The following PRRX1 variants were observed in gnomAD, a reference collection of about 807,000 sequenced individuals.
PRRX1 encodes paired related homeobox 1, also known as paired mesoderm homeobox protein 1.
In PRRX1, 8 loss-of-function variants were observed where a neutral mutation model predicts 24.0. The ratio of observed to expected loss-of-function variants is 0.33; its 90% CI spans 0.20 to 0.60. The LOEUF is 0.60. PRRX1 is among the 20% of genes least tolerant of loss of function. The pLI, the probability that PRRX1 is intolerant of heterozygous loss-of-function variation, is 0.82. For synonymous variants in PRRX1, 160 were observed against 131.7 expected (o/e 1.22, Z -1.47); for missense variants, 281 against 322.4 (o/e 0.87, Z 0.98).
At chr1:170,705,941 C>CACACACAT (rs1654548934) in intron 1 of PRRX1, among the ~76,000 whole-genome samples, 1 of 137,970 alleles carries the variant, frequency 7.2e-6, no homozygotes, top group South Asian at 2.1e-4. Context: ...CACATACACA[C>CACACACAT]ACACACACAC....
At chr1:170,718,608 G>A (rs776551445) in intron 1 of PRRX1, among the ~76,000 whole-genome samples, 5 of 152,194 alleles carry the variant, frequency 3.3e-5, no homozygotes, top group Admixed American at 6.5e-5. Context: ...TTTGGGCTGA[G>A]CCTCTTTGGG....
chr1:170,670,947 G>A (rs1420830611), intron 1 of PRRX1, among the ~76,000 whole-genome samples: 1 of 152,114 alleles, frequency 6.6e-6, no homozygotes, highest in Non-Finnish European at 1.5e-5. Context: ...TCTGGTACTG[G>A]ATGTCCCAGT....
At chr1:170,685,152 G>A (rs200253022) in intron 1 of PRRX1, among the ~76,000 whole-genome samples, 1 of 152,148 alleles carries the variant, frequency 6.6e-6, no homozygotes, top group Non-Finnish European at 1.5e-5. Context: ...CTTATTTGAG[G>A]TTTATCTCTT....
chr1:170,683,851 T>C (rs764631402), intron 1 of PRRX1, among the ~76,000 whole-genome samples: 38 of 152,218 alleles, frequency 2.5e-4, no homozygotes, highest in Non-Finnish European at 4.7e-4. Flanking sequence ...TTAGTGTGTA[T>C]GCATTAATGG....
intron 3 of PRRX1, among the ~76,000 whole-genome samples, 172 bp from the exon 4 acceptor site, chr1:170,735,876 G>A (rs1397393032): frequency 6.6e-6 from 1 of 152,100 alleles, no homozygotes; most frequent in African/African-American, 2.4e-5. Context: ...TCTTCCCTAA[G>A]TACCTTAGAC....
chr1:170,727,577 T>C (rs1325570256), intron 3 of PRRX1: 1 of 152,254 alleles, frequency 6.6e-6, no homozygotes, highest in Non-Finnish European at 1.5e-5. Context: ...CAAGTGTTTT[T>C]CAAAGGTTCT....
At chr1:170,689,452 T>C (rs1653854438) in intron 1 of PRRX1, among the ~76,000 whole-genome samples, 1 of 152,188 alleles carries the variant, frequency 6.6e-6, no homozygotes, top group Admixed American at 6.5e-5. Context: ...TTTTAAATCA[T>C]GGAATCTATG....
In PRRX1 at chr1:170,738,202, A is replaced by T. The variant is rs1482375270; in HGVS notation, c.*2016A>T. On this transcript the variant is annotated 3_prime_UTR_variant, in exon 4 of 4. Transcript: ENST00000239461. ...TTTTGGTCAAACATGCCAACTTTGT[A>T]GTCTGAGTGACAGGCAAGGATTTTT... The T allele has an allele frequency of 4.5e-6, 1 of 223,690 alleles. No homozygotes were observed. Among genetic ancestry groups the T allele is most frequent in the Non-Finnish European group, 8.9e-6 (1 of 111,732 alleles). The allele number at this position is 223,690 out of a possible 1,614,324, so 13.9% of individuals were successfully genotyped here.
chr1:170,717,888 T>G (rs991385172), intron 1 of PRRX1, among the ~76,000 whole-genome samples: 1 of 152,198 alleles, frequency 6.6e-6, no homozygotes, highest in African/African-American at 2.4e-5. Context: ...TGATGTTGGT[T>G]GGAATATTTT....
intron 1 of PRRX1, among the ~76,000 whole-genome samples, chr1:170,670,039 A>T (rs1006907154): frequency 1.3e-5 from 2 of 152,128 alleles, no homozygotes; most frequent in Non-Finnish European, 2.9e-5. Context: ...AATTAACAGG[A>T]CCCTTAAAGT....
At chr1:170,715,473 T>C (rs1301616385) in intron 1 of PRRX1, among the ~76,000 whole-genome samples, 4 of 152,180 alleles carry the variant, frequency 2.6e-5, no homozygotes, top group Non-Finnish European at 5.9e-5. Flanking sequence ...CTAATATATG[T>C]ATATAAATTT....
In PRRX1 at chr1:170,736,502, G is replaced by T; in HGVS notation, c.*316G>T. The stretch of plus-strand genomic sequence containing the variant: ...CTAGGTTCAGCCCACCCACCCCCAT[G>T]ATTGTATGAAGTTTTAAAAAAAACT... On this transcript the variant is annotated 3_prime_UTR_variant, in exon 4 of 4. Coordinates refer to ENST00000239461, the MANE Select transcript of PRRX1 (RefSeq NM_022716.4). 2.6e-6 allele frequency: 1 copy of T among 378,022 alleles called. No homozygotes were observed. The allele number at this position is 378,022 out of a possible 1,614,324, so 23.4% of individuals were successfully genotyped here.
intron 1 of PRRX1, among the ~76,000 whole-genome samples, chr1:170,702,218 C>A (rs1477495305): frequency 6.6e-6 from 1 of 152,208 alleles, no homozygotes; most frequent in African/African-American, 2.4e-5. Context: ...TGCCTCACAC[C>A]TCCTGCTGTG....
At position 170,736,402 on chromosome 1, in the gene PRRX1, C is replaced by G. The variant is rs1655605341; in HGVS notation, c.*216C>G. On this transcript the variant is annotated 3_prime_UTR_variant, in exon 4 of 4. Coordinates refer to ENST00000239461, the MANE Select transcript of PRRX1 (RefSeq NM_022716.4). ...TCCTCCTCCCTCTGGGATACCACCA[C>G]CACTTGTTTCTGTGTGTGTTTATTT... The G allele has an allele frequency of 1.6e-6, 1 of 615,494 alleles. No homozygotes were observed. The highest frequency in any genetic ancestry group is 3.0e-5 in the Admixed American group (1 of 33,726). The allele number at this position is 615,494 out of a possible 1,614,324, so 38.1% of individuals were successfully genotyped here.
At position 170,730,283 on chromosome 1, in the gene PRRX1, G is replaced by A. The variant is rs375494824; in HGVS notation, c.599+3882G>A. ...TTCACACTTTCAAAAATAGATCCTCGTCCCTCCCAAGATGTTGTTTACACG... is the reference window on the plus strand; with the variant it reads ...TTCACACTTTCAAAAATAGATCCTCATCCCTCCCAAGATGTTGTTTACACG... On this transcript the variant is annotated intron_variant, in intron 3 of 3. Transcript: ENST00000239461. 2.5e-5 allele frequency: 41 copies of A among 1,609,748 alleles called. No individual in the cohort carries two copies. The East Asian group carries it at 2.7e-4, about 11-fold the overall frequency.
At chr1:170,719,631 G>A in intron 1 of PRRX1, 95 bp from the exon 2 acceptor site, 1 of 1,362,596 alleles carries the variant, frequency 7.3e-7, no homozygotes, top group Admixed American at 1.9e-5. Flanking sequence ...GTGAGCAAAT[G>A]AAGCAAGATC....
chr1:170,692,489 T>C (rs1461818230), intron 1 of PRRX1, among the ~76,000 whole-genome samples: 1 of 152,032 alleles, frequency 6.6e-6, no homozygotes, highest in Admixed American at 6.6e-5. Context: ...TATTCTTAAA[T>C]TGTTGTGTGT....
intron 1 of PRRX1, among the ~76,000 whole-genome samples, chr1:170,699,646 G>C (rs1295369692): frequency 6.6e-6 from 1 of 152,128 alleles, no homozygotes; most frequent in Non-Finnish European, 1.5e-5. Flanking sequence ...AGAAAGATTG[G>C]CTTGCTTGGA....
intron 1 of PRRX1, among the ~76,000 whole-genome samples, chr1:170,707,447 C>T (rs917752723): frequency 1.3e-5 from 2 of 152,170 alleles, no homozygotes; most frequent in African/African-American, 2.4e-5. Context: ...AATGTCCCCA[C>T]CTTTGCCCAA....
Sources: gnomAD v4.1 joint callset for allele counts (sites outside exome capture counted in the v4.1 genomes callset) on GRCh38, gnomAD v4.1.1 for gene constraint, MANE v1.5 for transcripts, NCBI Gene and HGNC (gene_info 2026-07-23, HGNC 2026-07-21) for gene names.